Variants in AFF3 observed in about 807,000 individuals in gnomAD.
AFF3 encodes the protein AF4/FMR2 family member 3.
AFF3 carries 32 observed loss-of-function variants against 129.7 expected under a neutral mutation model. The ratio of observed to expected loss-of-function variants is 0.25; its 90% CI spans 0.19 to 0.33. The LOEUF is 0.33. Among genes scored for constraint, AFF3 ranks in the 10% least tolerant of loss-of-function variants. The probability of loss-of-function intolerance (pLI) is 1.00; values close to 1 mark genes in which losing one functional copy is unlikely to be tolerated. For missense variants in AFF3, 1,373 were observed against 1,592.0 expected, an observed-to-expected ratio of 0.86 and a Z score of 2.34; for synonymous variants, 644 against 635.4, an observed-to-expected ratio of 1.01 and a Z score of -0.20.
At chr2:99,933,706 T>C (rs755356179) in intron 7 of AFF3, among the ~76,000 whole-genome samples, 18 of 152,204 alleles carry the variant, frequency 1.2e-4, no homozygotes, top group Non-Finnish European at 2.5e-4. Context: ...TAGTATTCCA[T>C]GGTGTATATG....
intron 11 of AFF3, among the ~76,000 whole-genome samples, chr2:99,701,812 T>C (rs1676892260): frequency 6.6e-6 from 1 of 152,222 alleles, no homozygotes; most frequent in African/African-American, 2.4e-5. Context: ...CAGCCCTGTA[T>C]AGCCACCCCT....
chr2:99,826,056 C>T (rs1688055083), intron 8 of AFF3, among the ~76,000 whole-genome samples: 1 of 151,928 alleles, frequency 6.6e-6, no homozygotes, highest in Non-Finnish European at 1.5e-5. Context: ...ACTCTCTTAC[C>T]CAGGCTGCAG....
chr2:99,571,763 T>C (rs1676495762), intron 18 of AFF3, among the ~76,000 whole-genome samples: 2 of 152,320 alleles, frequency 1.3e-5, no homozygotes, highest in South Asian at 4.1e-4. Context: ...TCTAGTGCTG[T>C]ACTTCCAGAG....
intron 4 of AFF3, among the ~76,000 whole-genome samples, chr2:100,087,485 TA>T (rs1289759446): frequency 6.6e-6 from 1 of 151,954 alleles, no homozygotes; most frequent in East Asian, 1.9e-4. Context: ...GGTGTCAAGT[TA>T]AAATTCTTCA....
chr2:100,121,293 T>C (rs1012675435), intron 2 of AFF3, among the ~76,000 whole-genome samples: 1 of 152,144 alleles, frequency 6.6e-6, no homozygotes, highest in Non-Finnish European at 1.5e-5. Context: ...TCGGAGAATA[T>C]AGTTGAACAT....
intron 22 of AFF3, among the ~76,000 whole-genome samples, chr2:99,557,050 G>A (rs958969741): frequency 1.3e-5 from 2 of 151,936 alleles, no homozygotes; most frequent in African/African-American, 4.8e-5. Flanking sequence ...TAAAAGAATC[G>A]ATTTTAAATG....
At chr2:99,850,860 A>C (rs531829050) in intron 7 of AFF3, among the ~76,000 whole-genome samples, 1 of 152,222 alleles carries the variant, frequency 6.6e-6, no homozygotes, top group Non-Finnish European at 1.5e-5. Flanking sequence ...GCAGCTAACA[A>C]ATTAAATGGA....
In AFF3 at chr2:100,007,162, C is replaced by T; in HGVS notation, c.473G>A (p.Gly158Asp). The change falls in exon 6 of 25, where the codon GGC (glycine) becomes GAC (aspartate). Residue 158 changes from glycine to aspartate, a missense_variant. Gly to Asp is a moderately conservative substitution (Grantham distance 94). Transcript: ENST00000672756. ...WQKAGHPPSD[G>D]QQRATQQGSL... ...CCTGTGCTTACTTGCTCTCTGTTGG[C>T]CGTCAGAGGGTGGGTGCCCAGCCTT... is the stretch of plus-strand genomic sequence containing the variant. 2.5e-6 allele frequency: 4 copies of T among 1,614,100 alleles called. No individual in the cohort carries two copies. Among genetic ancestry groups the T allele is most frequent in the Non-Finnish European group, 3.4e-6 (4 of 1,180,002 alleles).
intron 4 of AFF3, among the ~76,000 whole-genome samples, chr2:100,085,442 G>A (rs1689346412): frequency 6.6e-6 from 1 of 151,628 alleles, no homozygotes; most frequent in East Asian, 1.9e-4. Context: ...TTTCCTCCCT[G>A]AGGCTCTTTC....
chr2:100,060,560 TAGATA>T (rs1687188519), intron 4 of AFF3, among the ~76,000 whole-genome samples: 1 of 152,178 alleles, frequency 6.6e-6, no homozygotes, highest in Non-Finnish European at 1.5e-5. Flanking sequence ...TCTGAGCTAT[TAGATA>T]AATGATTTAA....
intron 7 of AFF3, among the ~76,000 whole-genome samples, chr2:99,842,801 AC>A (rs1429402948): frequency 6.6e-6 from 1 of 152,220 alleles, no homozygotes; most frequent in Non-Finnish European, 1.5e-5. Flanking sequence ...CATGCCAAGC[AC>A]AGAATATGGG....
intron 7 of AFF3, among the ~76,000 whole-genome samples, chr2:99,918,023 A>G (rs977410824): frequency 2.7e-5 from 4 of 149,320 alleles, no homozygotes; most frequent in African/African-American, 7.3e-5. Flanking sequence ...CTGATAGAAA[A>G]TAAGGTAAAA....
chr2:99,941,155 A>G (rs1167473584), intron 7 of AFF3, among the ~76,000 whole-genome samples: 3 of 152,190 alleles, frequency 2.0e-5, no homozygotes, highest in African/African-American at 7.2e-5. Context: ...CCTGCCAAGA[A>G]GGTGGGTCTG....
intron 4 of AFF3, among the ~76,000 whole-genome samples, chr2:100,094,418 T>C (rs1417147482): frequency 1.3e-5 from 2 of 152,128 alleles, no homozygotes; most frequent in African/African-American, 2.4e-5. Flanking sequence ...CCACACATGC[T>C]CGGTTCACTA....
intron 10 of AFF3, among the ~76,000 whole-genome samples, chr2:99,727,924 TA>T (rs1293094724): frequency 6.6e-6 from 1 of 152,136 alleles, no homozygotes. Context: ...CCCCCTATTT[TA>T]TACCCCATAG....
At chr2:100,076,336 C>A (rs1688588524) in intron 4 of AFF3, among the ~76,000 whole-genome samples, 1 of 152,196 alleles carries the variant, frequency 6.6e-6, no homozygotes, top group Non-Finnish European at 1.5e-5. Flanking sequence ...CAGTCAGTAT[C>A]ACATTCAGAC....
chr2:100,038,729 T>TC (rs200826079), intron 4 of AFF3, among the ~76,000 whole-genome samples: 4,470 of 145,238 alleles, frequency 0.031, 229 homozygotes, highest in African/African-American at 0.11. Flanking sequence ...TTCTTCTTCT[T>TC]TTTTTTTTTT....
At chr2:99,917,961 C>A (rs1371809772) in intron 7 of AFF3, among the ~76,000 whole-genome samples, 1 of 151,928 alleles carries the variant, frequency 6.6e-6, no homozygotes, top group East Asian at 1.9e-4. Context: ...GAAAAAAAAT[C>A]TTCACAAATT....
chr2:99,705,980 G>A (rs1225798976), intron 11 of AFF3, among the ~76,000 whole-genome samples: 2 of 149,648 alleles, frequency 1.3e-5, no homozygotes, highest in Non-Finnish European at 3.0e-5. Context: ...CATCAAAATC[G>A]ATTAAGAAAC....
Sources: allele counts gnomAD v4.1 joint callset (sites outside exome capture counted in the v4.1 genomes callset), GRCh38; gene constraint gnomAD v4.1.1; transcripts MANE v1.5; gene names NCBI Gene and HGNC (gene_info 2026-07-23, HGNC 2026-07-21).